Variants in NOL4 observed in about 807,000 individuals in gnomAD.
NOL4 encodes the protein nucleolar protein 4, also known as cancer/testis antigen 125.
In NOL4, 17 loss-of-function variants were observed where a neutral mutation model predicts 75.9. The observed-to-expected ratio is 0.22, with a 90% CI of 0.15 to 0.34. The LOEUF (loss-of-function observed/expected upper bound fraction) is 0.34, where lower values mean the gene tolerates loss of function less well. Among genes scored for constraint, NOL4 ranks in the 10% least tolerant of loss-of-function variants. The pLI, the probability that NOL4 is intolerant of heterozygous loss-of-function variation, is 1.00. For missense variants in NOL4, 614 were observed against 793.5 expected, an observed-to-expected ratio of 0.77 and a Z score of 2.72; for synonymous variants, 292 against 289.9, an observed-to-expected ratio of 1.01 and a Z score of -0.07.
At chr18:34,186,519 C>T (rs1600826203) in intron 1 of NOL4, among the ~76,000 whole-genome samples, 1 of 152,244 alleles carries the variant, frequency 6.6e-6, no homozygotes, top group East Asian at 1.9e-4. Context: ...TTACACAAGT[C>T]TGCTTTCTAA....
chr18:33,954,538 T>A (rs969020853), intron 8 of NOL4, among the ~76,000 whole-genome samples: 1 of 55,184 alleles, frequency 1.8e-5, no homozygotes, highest in Non-Finnish European at 4.7e-5. Flanking sequence ...ATCTGAGAAC[T>A]TTTTTTTTTA....
At chr18:33,856,710 G>T (rs1482738978) in intron 10 of NOL4, among the ~76,000 whole-genome samples, 1 of 151,992 alleles carries the variant, frequency 6.6e-6, no homozygotes, top group Non-Finnish European at 1.5e-5. Flanking sequence ...AAAGAACAAG[G>T]TAGTAAATAT....
chr18:34,050,188 C>T (rs571058795), intron 5 of NOL4, among the ~76,000 whole-genome samples: 31 of 152,126 alleles, frequency 2.0e-4, no homozygotes, highest in Non-Finnish European at 3.4e-4. Flanking sequence ...CTTTTCAGAG[C>T]TTGCTCTGAA....
intron 4 of NOL4, among the ~76,000 whole-genome samples, chr18:34,100,961 T>G (rs2079018114): frequency 6.6e-6 from 1 of 152,162 alleles, no homozygotes; most frequent in Non-Finnish European, 1.5e-5. Flanking sequence ...CTTACACTAG[T>G]TAATACCAAT....
At chr18:34,182,867 A>G (rs1326358953) in intron 1 of NOL4, among the ~76,000 whole-genome samples, 3 of 151,786 alleles carry the variant, frequency 2.0e-5, no homozygotes, top group Non-Finnish European at 3.0e-5. Context: ...TTTACCAAAA[A>G]GTACATGAAA....
At position 34,024,181 on chromosome 18, in the gene NOL4, G is replaced by GA. The variant is rs200128545; in HGVS notation, c.773-4581dup. ...CAAGTGCCTTAGGCAAAATAAACAG[G>GA]AAAAAAAAAAAAAATATATATATAT... On this transcript the variant is annotated intron_variant, in intron 5 of 10. Transcript: ENST00000261592. Among the ~76,000 whole-genome samples, 363 of 86,684 alleles carry GA rather than the reference G, an allele frequency of 4.2e-3. 21 individuals carry two copies. Among genetic ancestry groups the GA allele is most frequent in the Non-Finnish European group, 6.9e-3 (278 of 40,182 alleles). The allele number at this position is 86,684 out of a possible 152,430, so 56.9% of individuals were successfully genotyped here. A position where few individuals can be genotyped will look rare whatever the true frequency, so the allele number is the denominator to read the frequency against.
intron 5 of NOL4, among the ~76,000 whole-genome samples, chr18:34,040,781 T>A (rs2076106430): frequency 6.6e-6 from 1 of 151,990 alleles, no homozygotes; most frequent in African/African-American, 2.4e-5. Context: ...CCATGTGTGA[T>A]ATGCTCTGGT....
At chr18:34,120,005 G>A (rs1048738726) in intron 2 of NOL4, among the ~76,000 whole-genome samples, 1 of 152,140 alleles carries the variant, frequency 6.6e-6, no homozygotes, top group African/African-American at 2.4e-5. Flanking sequence ...TACAATATTG[G>A]AGCCAAACGT....
chr18:33,940,251 A>G (rs762700490), intron 9 of NOL4, among the ~76,000 whole-genome samples: 1 of 152,130 alleles, frequency 6.6e-6, no homozygotes, highest in Non-Finnish European at 1.5e-5. Flanking sequence ...ACACATGCAC[A>G]TGTATATTTA....
At chr18:34,059,692 A>AT (rs569311670) in intron 5 of NOL4, among the ~76,000 whole-genome samples, 15 of 152,150 alleles carry the variant, frequency 9.9e-5, no homozygotes, top group Non-Finnish European at 2.2e-4. Flanking sequence ...AACCAGTAGA[A>AT]TATAGAGGAA....
intron 9 of NOL4, among the ~76,000 whole-genome samples, chr18:33,886,666 A>G (rs1467121393): frequency 6.7e-6 from 1 of 150,122 alleles, no homozygotes; most frequent in Non-Finnish European, 1.5e-5. Flanking sequence ...TTGTGACTCA[A>G]AGGATAAATG....
intron 2 of NOL4, among the ~76,000 whole-genome samples, chr18:34,109,810 T>C (rs1346839054): frequency 1.3e-5 from 2 of 151,646 alleles, no homozygotes; most frequent in Non-Finnish European, 2.9e-5. Context: ...AATAAAATTA[T>C]AATTAAATGA....
intron 2 of NOL4, among the ~76,000 whole-genome samples, chr18:34,113,061 G>A (rs2079678828): frequency 6.6e-6 from 1 of 152,096 alleles, no homozygotes; most frequent in South Asian, 2.1e-4. Flanking sequence ...AAAGTCCTGG[G>A]CTCAAGTGAT....
chr18:34,118,574 T>C (rs1460986290), intron 2 of NOL4, among the ~76,000 whole-genome samples: 2 of 152,222 alleles, frequency 1.3e-5, no homozygotes, highest in Admixed American at 1.3e-4. Context: ...CTAGGCTCTA[T>C]GCATATCTTC....
chr18:34,084,773 T>C (rs956880730), intron 5 of NOL4, among the ~76,000 whole-genome samples: 12 of 152,198 alleles, frequency 7.9e-5, no homozygotes, highest in African/African-American at 2.9e-4. Flanking sequence ...AGGATCTCTA[T>C]AAACCTAGTA....
In NOL4 at chr18:33,883,394, T is replaced by C. The variant is rs1257657370; in HGVS notation, c.1573A>G (p.Lys525Glu). 1 of 1,611,084 alleles carries C rather than the reference T, an allele frequency of 6.2e-7. No individual in the cohort carries two copies. Among genetic ancestry groups the C allele is most frequent in the South Asian group, 1.1e-5 (1 of 90,608 alleles). The change falls in exon 10 of 11, where the codon AAA (lysine) becomes GAA (glutamate). Residue 525 changes from lysine (K) to glutamate (E), a missense_variant. Physicochemically the swap from Lys to Glu is moderately conservative, Grantham distance 56. This residue lies in a region of NOL4 where 128 missense variants were observed against 159.9 expected (regional missense o/e 0.80). Transcript: ENST00000261592. The part of the protein sequence containing the change: ...DESAPADKQC[K>E]PEATQATYST... ...TAAGTGGCCTGGGTCGCCTCTGGTT[T>C]ACACTGTTTGTCAGCTGGAGCAGAC...
intron 9 of NOL4, among the ~76,000 whole-genome samples, chr18:33,923,822 A>G (rs2067175056): frequency 6.6e-6 from 1 of 152,302 alleles, no homozygotes; most frequent in South Asian, 2.1e-4. Flanking sequence ...TTAAAAAGCA[A>G]CAACCAGTTT....
intron 1 of NOL4, among the ~76,000 whole-genome samples, chr18:34,163,757 A>C (rs1272150840): frequency 6.6e-6 from 1 of 152,144 alleles, no homozygotes; most frequent in Non-Finnish European, 1.5e-5. Context: ...GTTCATATGG[A>C]ACCAAAAAAG....
At chr18:34,057,065 G>A (rs949969081) in intron 5 of NOL4, among the ~76,000 whole-genome samples, 3 of 152,158 alleles carry the variant, frequency 2.0e-5, no homozygotes, top group Non-Finnish European at 2.9e-5. Context: ...AAGTCCTGGA[G>A]TGCTTAATGA....
Sources: gnomAD v4.1 joint callset for allele counts (sites outside exome capture counted in the v4.1 genomes callset) on GRCh38, gnomAD v4.1.1 for gene constraint, gnomAD v4.1.1 regional missense constraint, MANE v1.5 for transcripts, NCBI Gene and HGNC (gene_info 2026-07-23, HGNC 2026-07-21) for gene names.